EFCAB14: variants seen among roughly 807,000 people sequenced by gnomAD.
EFCAB14 encodes EF-hand calcium-binding domain-containing protein 14.
A neutral mutation model predicts 56.5 loss-of-function variants in EFCAB14; 43 were observed. That is an observed-to-expected ratio of 0.76 (90% CI 0.60 to 0.98). The LOEUF (loss-of-function observed/expected upper bound fraction) is 0.98. EFCAB14 is among the 50% of genes least tolerant of loss of function. The pLI, the probability that EFCAB14 is intolerant of heterozygous loss-of-function variation, is 0.00. For missense variants in EFCAB14, 538 were observed against 580.3 expected, an observed-to-expected ratio of 0.93 and a Z score of 0.75; for synonymous variants, 235 against 212.9, an observed-to-expected ratio of 1.10 and a Z score of -0.90.
At chr1:46,715,141 T>C (rs1399759846) in intron 2 of EFCAB14, among the ~76,000 whole-genome samples, 3 of 152,304 alleles carry the variant, frequency 2.0e-5, no homozygotes, top group Admixed American at 1.3e-4. Flanking sequence ...GCTCTAAGCT[T>C]GAAAACTGAT....
At position 46,691,840 on chromosome 1, in the gene EFCAB14, A is replaced by G. The variant is rs1194394696; in HGVS notation, c.677T>C (p.Leu226Pro). 6.2e-7 allele frequency: 1 copy of G among 1,613,252 alleles called. No homozygotes were observed. Among genetic ancestry groups the G allele is most frequent in the Non-Finnish European group, 8.5e-7 (1 of 1,179,496 alleles). ...GGGTCTCCTTACCATATCACTCTGCAGTAATTCCATCGTTTTCTTGTGTTC... is the reference window on the plus strand; with the variant it reads ...GGGTCTCCTTACCATATCACTCTGCGGTAATTCCATCGTTTTCTTGTGTTC... ...VDEHKKTMEL[L>P]QSDMNQHFLK... The change falls in exon 5 of 11, where the codon CTG (leucine) becomes CCG (proline). Residue 226 changes from leucine (L) to proline (P), a missense_variant. Transcript: ENST00000371933.
chr1:46,688,333 A>C lies in EFCAB14; in HGVS notation c.987+20T>G. 1 of 1,609,330 alleles carries C rather than the reference A, an allele frequency of 6.2e-7. No homozygotes were observed. The highest frequency in any genetic ancestry group is 8.5e-7 in the Non-Finnish European group (1 of 1,176,934). On this transcript the variant is annotated intron_variant, in intron 7 of 10. Transcript: ENST00000371933. ...CAGACAAAACACACTGCATGTCACAAAAGATCAGAAAAGGCTTACCATGCT... is the reference window on the plus strand; with the variant it reads ...CAGACAAAACACACTGCATGTCACACAAGATCAGAAAAGGCTTACCATGCT...
chr1:46,688,389 G>A lies in EFCAB14; in HGVS notation c.951C>T (p.Ser317=). Residue 317 remains serine, a synonymous_variant, in exon 7 of 11, where the codon AGC becomes AGT. Transcript: ENST00000371933. ...NLIESDVVAM[S]KVEKKANLSF... ...ACAGGTTTGCTTTCTTTTCTACCTT[G>A]CTCATAGCAACCACATCGCTTTCTA... 6.2e-7 allele frequency: 1 copy of A among 1,613,926 alleles called. No individual in the cohort carries two copies. Among genetic ancestry groups the A allele is most frequent in the Non-Finnish European group, 8.5e-7 (1 of 1,179,882 alleles).
Position 46,686,828 on chromosome 1 carries a change from G to T in EFCAB14, c.1030C>A (p.Gln344Lys). The change falls in exon 8 of 11, where the codon CAA (glutamine) becomes AAA (lysine). Residue 344 changes from glutamine to lysine, a missense_variant. Gln to Lys is a moderately conservative substitution (Grantham distance 53). Coordinates refer to ENST00000371933, the MANE Select transcript of EFCAB14 (RefSeq NM_014774.3). ...SATLKRQSLD[Q>K]VTNRTDTVKI... ...ACTGTATCTGTTCTGTTGGTGACTT[G>T]ATCCAAAGACTGTCTTTTCAGAGTG... The T allele has an allele frequency of 1.2e-6, 2 of 1,613,756 alleles. No individual in the cohort carries two copies. Among genetic ancestry groups the T allele is most frequent in the South Asian group, 1.1e-5 (1 of 91,070 alleles).
intron 2 of EFCAB14, 58 bp from the exon 3 acceptor site, chr1:46,708,109 G>A (rs778698300): frequency 9.7e-5 from 144 of 1,487,048 alleles, no homozygotes; most frequent in Non-Finnish European, 1.2e-4. Flanking sequence ...ATGGTCCTAA[G>A]ATGAAAAAAT....
chr1:46,679,018 G>A (rs1474268345), intron 10 of EFCAB14, among the ~76,000 whole-genome samples: 2 of 152,164 alleles, frequency 1.3e-5, no homozygotes, highest in Non-Finnish European at 2.9e-5. Context: ...TCTGTCCAGC[G>A]TCTTCCCTTT....
At position 46,676,917 on chromosome 1, in the gene EFCAB14, CATGGTG is replaced by C. The variant is rs1285135281; in HGVS notation, c.*1538_*1543del. 5 of 152,490 alleles carry C rather than the reference CATGGTG, an allele frequency of 3.3e-5. No homozygotes were observed. The East Asian group carries it at 5.8e-4, about 18-fold the overall frequency. 9.4% of individuals were successfully genotyped at this position (152,490 alleles called of 1,614,324 possible). On this transcript the variant is annotated 3_prime_UTR_variant, in exon 11 of 11. Transcript: ENST00000371933. ...ATGTTTAAGGGTACCGGACTGTATCCATGGTGAAGGGCAACCTGAACAAAGTTAAAA... is the reference window on the plus strand; with the variant it reads ...ATGTTTAAGGGTACCGGACTGTATCCAAGGGCAACCTGAACAAAGTTAAAA...
chr1:46,701,352 C>A (rs1286110552), intron 3 of EFCAB14, among the ~76,000 whole-genome samples: 1 of 151,604 alleles, frequency 6.6e-6, no homozygotes, highest in South Asian at 2.1e-4. Flanking sequence ...GGTTCAAGAT[C>A]AGTTTGAAGG....
chr1:46,680,103 A>T (rs1186388987), intron 10 of EFCAB14, among the ~76,000 whole-genome samples: 1 of 152,208 alleles, frequency 6.6e-6, no homozygotes, highest in Non-Finnish European at 1.5e-5. Flanking sequence ...GAACCCTCAC[A>T]CATTGCTGAT....
At chr1:46,705,907 C>G (rs1444386125) in intron 3 of EFCAB14, among the ~76,000 whole-genome samples, 2 of 151,944 alleles carry the variant, frequency 1.3e-5, no homozygotes, top group Non-Finnish European at 2.9e-5. Flanking sequence ...CTCTGTTGCC[C>G]AGGCTAGAGT....
At position 46,696,574 on chromosome 1, in the gene EFCAB14, T is replaced by G. The variant is rs750077756; in HGVS notation, c.556A>C (p.Thr186Pro). 6.2e-7 allele frequency: 1 copy of G among 1,613,632 alleles called. No homozygotes were observed. The change falls in exon 4 of 11, where the codon ACC becomes CCC. Residue 186 changes from threonine (T) to proline (P), a missense_variant. Coordinates refer to ENST00000371933, the MANE Select transcript of EFCAB14 (RefSeq NM_014774.3). ...ACCTTCTGAAGTCCCTCTACAGTGG[T>G]AGGCAGGCTAATCAAGTCTGCAGCT... Reference protein sequence around the residue: ...KSAADLISLPTTVEGLQKSVA... With the variant: ...KSAADLISLPPTVEGLQKSVA...
chr1:46,700,986 A>AGTGAGTGAGTGTGTGTGTGT (rs145670885), intron 3 of EFCAB14, among the ~76,000 whole-genome samples: 2 of 142,844 alleles, frequency 1.4e-5, no homozygotes, highest in African/African-American at 5.2e-5. Flanking sequence ...AGAGTGAGTG[A>AGTGAGTGAGTGTGTGTGTGT]GTGTGTGTGT....
intron 3 of EFCAB14, among the ~76,000 whole-genome samples, chr1:46,704,476 CAAAA>C (rs35092498): frequency 4.1e-5 from 3 of 73,980 alleles, no homozygotes; most frequent in African/African-American, 1.2e-4. Context: ...GATTGTGTCT[CAAAA>C]AAAAAAAAAA....
At chr1:46,716,466 C>T (rs778355245) in intron 1 of EFCAB14, 23 bp from the exon 2 acceptor site, 2 of 1,613,092 alleles carry the variant, frequency 1.2e-6, no homozygotes, top group African/African-American at 2.7e-5. Flanking sequence ...ACAAATTCAA[C>T]CATGAGTACA....
Position 46,676,337 on chromosome 1 carries a change from C to CA in EFCAB14, c.*2123dup, listed in dbSNP as rs1676694046. The CA allele has an allele frequency of 6.6e-6, 1 of 151,976 alleles. No individual in the cohort carries two copies. Among genetic ancestry groups the CA allele is most frequent in the Admixed American group, 6.6e-5 (1 of 15,256 alleles). The allele number at this position is 151,976 out of a possible 1,614,324, so 9.4% of individuals were successfully genotyped here. A position where few individuals can be genotyped will look rare whatever the true frequency, so the allele number is the denominator to read the frequency against. ...AAGGTAGGAAGAACAGAAGATAAAC[C>CA]AAAAAACAAAATGGATTTCTCCATG... On this transcript the variant is annotated 3_prime_UTR_variant, in exon 11 of 11. Transcript: ENST00000371933.
chr1:46,693,881 A>T (rs1220142229), intron 4 of EFCAB14, among the ~76,000 whole-genome samples: 1 of 152,168 alleles, frequency 6.6e-6, no homozygotes, highest in Non-Finnish European at 1.5e-5. Flanking sequence ...CAAAACAGAG[A>T]TATAGACCAA....
intron 2 of EFCAB14, among the ~76,000 whole-genome samples, chr1:46,715,859 C>T (rs151278350): frequency 8.5e-5 from 13 of 152,092 alleles, no homozygotes; most frequent in African/African-American, 3.1e-4. Flanking sequence ...CTGAGAGGAA[C>T]GTATAATTGC....
chr1:46,690,824 GCTCT>G (rs1239362968), intron 5 of EFCAB14, among the ~76,000 whole-genome samples: 1 of 151,012 alleles, frequency 6.6e-6, no homozygotes, highest in Non-Finnish European at 1.5e-5. Context: ...CTCTTCTAGA[GCTCT>G]CTAATATAGC....
chr1:46,712,393 T>C (rs12071983), intron 2 of EFCAB14, among the ~76,000 whole-genome samples: 2,443 of 152,250 alleles, frequency 0.016, 61 homozygotes, highest in African/African-American at 0.055. Context: ...TGGAGGTTTT[T>C]TGAAGTATCT....
Sources: gnomAD v4.1 joint callset for allele counts (sites outside exome capture counted in the v4.1 genomes callset) on GRCh38, gnomAD v4.1.1 for gene constraint, MANE v1.5 for transcripts, NCBI Gene and HGNC (gene_info 2026-07-23, HGNC 2026-07-21) for gene names.